The following STOX2 variants were observed in gnomAD, a reference collection of about 807,000 sequenced individuals.
The protein encoded by STOX2 is storkhead-box protein 2.
In STOX2, 28 loss-of-function variants were observed where a neutral mutation model predicts 60.9. That is an observed-to-expected ratio of 0.46 (90% CI 0.34 to 0.63). The LOEUF is 0.63. STOX2 is among the 30% of genes least tolerant of loss of function. The pLI, the probability that STOX2 is intolerant of heterozygous loss-of-function variation, is 0.01. For synonymous variants in STOX2, 472 were observed against 463.9 expected, an observed-to-expected ratio of 1.02 and a Z score of -0.22; for missense variants, 1,024 against 1,187.7, an observed-to-expected ratio of 0.86 and a Z score of 2.03.
chr4:183,913,496 G>A (rs1259963424), intron 1 of STOX2, among the ~76,000 whole-genome samples: 1 of 152,148 alleles, frequency 6.6e-6, no homozygotes, highest in Non-Finnish European at 1.5e-5. Context: ...TCCTGGGCCA[G>A]GCGTGGTGGT....
rs78843537 is a variant in STOX2 at position 183,990,829 on chromosome 4, G to A, written c.167-10496G>A. ...AAATGAGCATGTGGACATTGATCAC[G>A]GTTTACTTGAATTATATTGGACAAG... On this transcript the variant is annotated intron_variant, in intron 1 of 3. Transcript: ENST00000308497. Among the ~76,000 whole-genome samples the A allele has an allele frequency of 5.5e-3, 833 of 151,916 alleles. 9 individuals are homozygous for A. The highest frequency in any genetic ancestry group is 0.019 in the African/African-American group (798 of 41,418).
At position 183,833,981 on chromosome 4, in the gene STOX2, C is replaced by CAAA. The variant is rs70959149; in HGVS notation, c.364+35944_364+35946dup. 4.5e-3 allele frequency among the ~76,000 whole-genome samples: 355 copies of CAAA among 79,662 alleles called. 8 individuals are homozygous for CAAA. Among genetic ancestry groups the CAAA allele is most frequent in the African/African-American group, 0.015 (307 of 20,516 alleles). 52.3% of individuals were successfully genotyped at this position (79,662 alleles called of 152,430 possible). On this transcript the variant is annotated intron_variant, in intron 1 of 2. Coordinates refer to the STOX2 transcript ENST00000513034. ...TGGGCGACAGAGTGAGACTCCGTCT[C>CAAA]AAAAAAAAAAAAAAAAAAAAGAATG...
chr4:183,945,693 C>T (rs756762337), intron 1 of STOX2, among the ~76,000 whole-genome samples: 17 of 152,232 alleles, frequency 1.1e-4, no homozygotes, highest in Admixed American at 3.3e-4. Context: ...ATCCGTTTAC[C>T]GTGGGTACAG....
intron 1 of STOX2, among the ~76,000 whole-genome samples, chr4:183,968,619 T>C (rs550962680): frequency 6.6e-6 from 1 of 152,334 alleles, no homozygotes; most frequent in East Asian, 1.9e-4. Flanking sequence ...TCCTGCCACC[T>C]TCGCTGCTAC....
chr4:183,898,378 G>A (rs752600796), intron 1 of STOX2, among the ~76,000 whole-genome samples: 1 of 152,178 alleles, frequency 6.6e-6, no homozygotes, highest in East Asian at 1.9e-4. Flanking sequence ...TGTACGCTAA[G>A]ACCCCAGAGG....
At chr4:183,970,525 C>T (rs558499096) in intron 1 of STOX2, among the ~76,000 whole-genome samples, 1 of 152,238 alleles carries the variant, frequency 6.6e-6, no homozygotes, top group African/African-American at 2.4e-5. Flanking sequence ...TGCCCCCGAC[C>T]GGACCCTTGC....
chr4:183,842,167 T>C (rs1739877552), intron 1 of STOX2, among the ~76,000 whole-genome samples: 1 of 152,240 alleles, frequency 6.6e-6, no homozygotes, highest in Admixed American at 6.5e-5. Flanking sequence ...CCAGTCTTCT[T>C]ACTGGCTGCC....
intron 1 of STOX2, among the ~76,000 whole-genome samples, chr4:183,817,584 T>C (rs1417226365): frequency 6.6e-6 from 1 of 152,218 alleles, no homozygotes; most frequent in Non-Finnish European, 1.5e-5. Context: ...AACATTATAG[T>C]TCATGCATTT....
intron 1 of STOX2, among the ~76,000 whole-genome samples, chr4:183,870,106 A>C (rs1740654969): frequency 6.6e-6 from 1 of 152,234 alleles, no homozygotes; most frequent in African/African-American, 2.4e-5. Context: ...GATGAAATGA[A>C]GCCCATTTTA....
chr4:183,955,784 T>C (rs919969592), intron 1 of STOX2, among the ~76,000 whole-genome samples: 2 of 152,156 alleles, frequency 1.3e-5, no homozygotes, highest in Non-Finnish European at 2.9e-5. Context: ...GTTTTTGCTT[T>C]GTTTTGATCT....
intron 1 of STOX2, among the ~76,000 whole-genome samples, chr4:183,802,197 A>T (rs1028744190): frequency 2.6e-5 from 4 of 152,224 alleles, no homozygotes; most frequent in African/African-American, 4.8e-5. Flanking sequence ...CACATGTTTA[A>T]ATAGTTCAGA....
rs75866433 is a variant in STOX2, at chr4:183,917,443, G to T, written c.166+10487G>T. ...ACAGTGTCTTCTGAATTCACCAAAC[G>T]TCTAAGATAAAACTTCCATTTAGAT... On this transcript the variant is annotated intron_variant, in intron 1 of 3. Coordinates refer to ENST00000308497, the MANE Select transcript of STOX2 (RefSeq NM_020225.3). Among the ~76,000 whole-genome samples, 704 of 152,312 alleles carry T rather than the reference G, an allele frequency of 4.6e-3. 19 individuals are homozygous for T. Among genetic ancestry groups the T allele is most frequent in the Admixed American group, 0.036 (551 of 15,296 alleles).
chr4:183,994,269 A>G (rs556108457), intron 1 of STOX2, among the ~76,000 whole-genome samples: 21 of 152,322 alleles, frequency 1.4e-4, no homozygotes, highest in African/African-American at 4.8e-4. Context: ...CACGGTATCT[A>G]CTACTTGTGG....
chr4:183,804,420 A>G (rs1012108514), intron 1 of STOX2, among the ~76,000 whole-genome samples: 1 of 152,192 alleles, frequency 6.6e-6, no homozygotes, highest in Non-Finnish European at 1.5e-5. Flanking sequence ...AGAAACAGAG[A>G]GGGTGGCCCA....
intron 1 of STOX2, among the ~76,000 whole-genome samples, chr4:183,949,773 A>G (rs1743014198): frequency 6.6e-6 from 1 of 152,184 alleles, no homozygotes; most frequent in Non-Finnish European, 1.5e-5. Context: ...ATATTTTTAT[A>G]TTTTTAGATC....
chr4:183,993,297 A>G (rs546695160), intron 1 of STOX2, among the ~76,000 whole-genome samples: 32 of 152,364 alleles, frequency 2.1e-4, no homozygotes, highest in African/African-American at 5.5e-4. Context: ...CTGTAGACCA[A>G]TGAGCCAATT....
intron 1 of STOX2, among the ~76,000 whole-genome samples, chr4:183,892,933 G>A (rs1184955436): frequency 1.3e-5 from 2 of 152,090 alleles, no homozygotes; most frequent in African/African-American, 4.8e-5. Context: ...AAGTAATTTA[G>A]CTTTAAAAAT....
At chr4:184,000,041 G>A (rs985598366) in intron 1 of STOX2, among the ~76,000 whole-genome samples, 4 of 152,228 alleles carry the variant, frequency 2.6e-5, no homozygotes, top group South Asian at 4.1e-4. Context: ...GCCCTTCTAT[G>A]TTCTACTGTG....
intron 1 of STOX2, among the ~76,000 whole-genome samples, chr4:183,884,090 G>A (rs1042307159): frequency 6.6e-6 from 1 of 152,064 alleles, no homozygotes; most frequent in Non-Finnish European, 1.5e-5. Flanking sequence ...CTGACCTTAG[G>A]TGATCCGCCC....
Sources: gnomAD v4.1 joint callset for allele counts (sites outside exome capture counted in the v4.1 genomes callset) on GRCh38, gnomAD v4.1.1 for gene constraint, MANE v1.5 for transcripts, NCBI Gene and HGNC (gene_info 2026-07-23, HGNC 2026-07-21) for gene names.